Variants in POF1B observed in about 807,000 individuals in gnomAD.
The protein encoded by POF1B is protein POF1B.
In POF1B, 53 loss-of-function variants were observed where a neutral mutation model predicts 55.3. The ratio of observed to expected loss-of-function variants is 0.96; its 90% CI spans 0.77 to 1.20. The LOEUF (loss-of-function observed/expected upper bound fraction) is 1.20. POF1B is among the 50% of genes most tolerant of loss of function. The pLI, the probability that POF1B is intolerant of heterozygous loss-of-function variation, is 0.00. For missense variants in POF1B, 478 were observed against 420.5 expected (o/e 1.14, Z -1.20); for synonymous variants, 188 against 148.3 (o/e 1.27, Z -1.95).
intron 3 of POF1B, among the ~76,000 whole-genome samples, chrX:85,361,518 G>T (rs1436990948): frequency 9.0e-6 from 1 of 111,205 alleles, no homozygotes; most frequent in Non-Finnish European, 1.9e-5. Context: ...TCTGATAGTT[G>T]TAGGTGTGCG....
At position 85,277,890 on chromosome X, in the gene POF1B, A is replaced by T. The variant is rs1197455621; in HGVS notation, c.*1531T>A. On this transcript the variant is annotated 3_prime_UTR_variant, in exon 17 of 17. Transcript: ENST00000262753. ...TTGTAATGTGTGCATAACATAGTACACTTTTGTTACAGTTACATATATGAA... is the reference window on the plus strand; with the variant it reads ...TTGTAATGTGTGCATAACATAGTACTCTTTTGTTACAGTTACATATATGAA... 9.0e-6 allele frequency: 1 copy of T among 111,277 alleles called. No individual in the cohort carries two copies. Among genetic ancestry groups the T allele is most frequent in the Non-Finnish European group, 1.9e-5 (1 of 52,627 alleles). The allele number at this position is 111,277 out of a possible 1,213,427, so 9.2% of individuals were successfully genotyped here.
chrX:85,357,035 C>T (rs1378898131), intron 4 of POF1B, among the ~76,000 whole-genome samples: 1 of 111,330 alleles, frequency 9.0e-6, no homozygotes, highest in African/African-American at 3.3e-5. Flanking sequence ...TTCTTTACTA[C>T]GTTGCTTACA....
Position 85,306,174 on chromosome X carries a change from T to C in POF1B, c.1317+7A>G. On this transcript the variant is annotated splice_region_variant and intron_variant, in intron 12 of 16. Transcript: ENST00000262753. ...AATACTGTATATTTAAAAGGAAGTT[T>C]TAATACCTGCATTCTAAGGTTTTGA... 8.4e-6 allele frequency: 10 copies of C among 1,189,839 alleles called. No homozygotes were observed. The highest frequency in any genetic ancestry group is 1.1e-5 in the Non-Finnish European group (10 of 880,025).
rs924153855 is a variant in POF1B, at chrX:85,345,980, A to G, written c.603T>C (p.Ser201=). The G allele has an allele frequency of 1.3e-5, 16 of 1,206,302 alleles. No homozygotes were observed. The highest frequency in any genetic ancestry group is 3.6e-5 in the South Asian group (2 of 56,136). The change falls in exon 6 of 17, where the codon TCT becomes TCC. Residue 201 remains serine (S), a synonymous_variant. Transcript: ENST00000262753. ...TAGAATCAGGTTGTTGCCAGTGTGC[A>G]GAGTGGATGACCTGGGGCTGTTGGA... ...HIIQQPQVIH[S]AHWQQPDSSQ... is the part of the protein sequence containing the mutation.
chrX:85,303,508 A>T lies in POF1B; in HGVS notation c.1567-20T>A. ...GAGTTCCTTACAAATAAAAGATAATATAATCATTTGATGGAAAGTAGAAAC... is the reference window on the plus strand; with the variant it reads ...GAGTTCCTTACAAATAAAAGATAATTTAATCATTTGATGGAAAGTAGAAAC... On this transcript the variant is annotated intron_variant, in intron 14 of 16. Transcript: ENST00000262753. The T allele has an allele frequency of 3.9e-6, 4 of 1,015,085 alleles. No homozygotes were observed. Among genetic ancestry groups the T allele is most frequent in the Non-Finnish European group, 5.5e-6 (4 of 730,923 alleles). The allele number at this position is 1,015,085 out of a possible 1,213,427, so 83.7% of individuals were successfully genotyped here. A position where few individuals can be genotyped will look rare whatever the true frequency, so the allele number is the denominator to read the frequency against.
At chrX:85,304,194 AC>A (rs201522632) in intron 14 of POF1B, 148 bp downstream of exon 14, 7,113 of 546,493 alleles carry the variant, frequency 0.013, 57 homozygotes, top group Non-Finnish European at 0.016. Flanking sequence ...TGTATATTCT[AC>A]TTCCTCACTT....
At chrX:85,375,658 A>G (rs1296319172) in intron 2 of POF1B, among the ~76,000 whole-genome samples, 1 of 111,815 alleles carries the variant, frequency 8.9e-6, no homozygotes, top group Non-Finnish European at 1.9e-5. Context: ...TTATCAAAGC[A>G]GCACACCCCT....
At position 85,308,144 on chromosome X, in the gene POF1B, G is replaced by A; in HGVS notation, c.1030C>T (p.His344Tyr). The change falls in exon 10 of 17, where the codon CAT (histidine) becomes TAT (tyrosine). Residue 344 changes from histidine to tyrosine, a missense_variant. Transcript: ENST00000262753. ...TFSNIREELG[H>Y]LQNDMTSLEN... ...CTTACTGTCATATCATTTTGAAGATGTCCAAGCTCCTCCCGTATGTTGCTA... is the reference window on the plus strand; with the variant it reads ...CTTACTGTCATATCATTTTGAAGATATCCAAGCTCCTCCCGTATGTTGCTA... 8.4e-7 allele frequency: 1 copy of A among 1,193,449 alleles called. No homozygotes were observed. Among genetic ancestry groups the A allele is most frequent in the Non-Finnish European group, 1.1e-6 (1 of 883,084 alleles).
chrX:85,352,028 G>A (rs1223112656), intron 4 of POF1B, among the ~76,000 whole-genome samples: 1 of 110,487 alleles, frequency 9.1e-6, no homozygotes, highest in African/African-American at 3.3e-5. Context: ...GCAGAGTAGA[G>A]GCTTTAAGAG....
At chrX:85,343,946 T>C (rs1291108701) in intron 6 of POF1B, among the ~76,000 whole-genome samples, 1 of 111,385 alleles carries the variant, frequency 9.0e-6, no homozygotes, top group Non-Finnish European at 1.9e-5. Flanking sequence ...TTGCAAATAA[T>C]TTAAACTCTT....
chrX:85,279,229 AT>A lies in POF1B; in HGVS notation c.*191del. 2.4e-6 allele frequency: 1 copy of A among 411,692 alleles called. No individual in the cohort carries two copies. 33.9% of individuals were successfully genotyped at this position (411,692 alleles called of 1,213,427 possible). A position where few individuals can be genotyped will look rare whatever the true frequency, so the allele number is the denominator to read the frequency against. The stretch of plus-strand genomic sequence containing the variant: ...TGAATACATGAGTGTTATGGAAAAG[AT>A]TTAGGTCTCATAAATGGGTGAAGAA... On this transcript the variant is annotated 3_prime_UTR_variant, in exon 17 of 17. Coordinates refer to ENST00000262753, the MANE Select transcript of POF1B (RefSeq NM_024921.4).
chrX:85,305,307 T>C (rs1007702337), intron 13 of POF1B, among the ~76,000 whole-genome samples: 2 of 111,232 alleles, frequency 1.8e-5, no homozygotes, highest in African/African-American at 6.5e-5. Context: ...TATATACTTA[T>C]AAATATCACC....
chrX:85,317,656 T>C (rs1174889013), intron 7 of POF1B, among the ~76,000 whole-genome samples: 2 of 110,383 alleles, frequency 1.8e-5, no homozygotes, highest in Non-Finnish European at 3.8e-5. Flanking sequence ...CAAAAAGAAG[T>C]GTGGCAATTT....
chrX:85,305,823 T>C lies in POF1B; in HGVS notation c.1405A>G (p.Met469Val), dbSNP rs1296420768. The change falls in exon 13 of 17, where the codon ATG (methionine) becomes GTG (valine). Residue 469 changes from methionine (M) to valine (V), a missense_variant. Transcript: ENST00000262753. ...HYTEMVKNLR[M>V]EKDREICRLR... Reference sequence around the variant, plus strand: ...CTGCAGATCTCTCTATCTTTCTCCATTCTCAAGTTTTTTACCATCTCCGTG... The same window carrying C: ...CTGCAGATCTCTCTATCTTTCTCCACTCTCAAGTTTTTTACCATCTCCGTG... 2 of 1,209,736 alleles carry C rather than the reference T, an allele frequency of 1.7e-6. No homozygotes were observed. The highest frequency in any genetic ancestry group is 2.2e-5 in the Admixed American group (1 of 45,860).
At chrX:85,376,574 TATCA>T (rs1933925453) in intron 2 of POF1B, among the ~76,000 whole-genome samples, 1 of 111,441 alleles carries the variant, frequency 9.0e-6, no homozygotes, top group Admixed American at 9.6e-5. Context: ...AGAAACACTC[TATCA>T]ATCAAACAAA....
chrX:85,334,510 C>T (rs1227266794), intron 6 of POF1B, among the ~76,000 whole-genome samples: 1 of 111,132 alleles, frequency 9.0e-6, no homozygotes, highest in Non-Finnish European at 1.9e-5. Flanking sequence ...TACGTTTAAT[C>T]GGATCACTAT....
intron 5 of POF1B, among the ~76,000 whole-genome samples, chrX:85,351,016 T>C (rs1933374580): frequency 8.9e-6 from 1 of 111,852 alleles, no homozygotes; most frequent in Admixed American, 9.5e-5. Context: ...AATTATAATG[T>C]TTTAAATTAT....
chrX:85,323,090 A>G (rs967019020), intron 7 of POF1B, among the ~76,000 whole-genome samples: 7 of 111,299 alleles, frequency 6.3e-5, no homozygotes, highest in African/African-American at 2.3e-4. Context: ...CCATCCCATT[A>G]CTGGGTGTAT....
intron 9 of POF1B, among the ~76,000 whole-genome samples, chrX:85,311,878 G>A (rs1330294678): frequency 3.6e-5 from 4 of 111,912 alleles, no homozygotes; most frequent in South Asian, 3.8e-4. Context: ...TCTAACTCAC[G>A]TGAGATGGTA....
Sources: allele counts gnomAD v4.1 joint callset (sites outside exome capture counted in the v4.1 genomes callset), GRCh38; gene constraint gnomAD v4.1.1; transcripts MANE v1.5; gene names NCBI Gene and HGNC (gene_info 2026-07-23, HGNC 2026-07-21).